The following OGDHL variants were observed in gnomAD, a reference collection of about 807,000 sequenced individuals.
The protein encoded by OGDHL is oxoglutarate dehydrogenase L.
In OGDHL, 79 loss-of-function variants were observed where a neutral mutation model predicts 109.6. The ratio of observed to expected loss-of-function variants is 0.72; its 90% confidence interval spans 0.60 to 0.87. The LOEUF is 0.87. Ranked by LOEUF, OGDHL falls within the 40% of genes least tolerant of loss-of-function variation. The pLI is 0.00. For synonymous variants in OGDHL, 528 were observed against 537.2 expected, an observed-to-expected ratio of 0.98 and a Z score of 0.24; for missense variants, 1,275 against 1,362.2, an observed-to-expected ratio of 0.94 and a Z score of 1.01.
At chr10:49,736,627 G>A in intron 20 of OGDHL, 107 bp from the exon 21 acceptor site, 1 of 1,262,374 alleles carries the variant, frequency 7.9e-7, no homozygotes, top group East Asian at 2.4e-5. Context: ...GACACTAACT[G>A]CAGGTTTGGA....
Position 49,750,883 on chromosome 10 carries a change from G to A in OGDHL, c.852C>T (p.Ser284=), listed in dbSNP as rs1842541650. ...TGACATTCTCAATCCCCATCTCGCTGGATTTGTCGATGATGGTCTTGAGGG... is the reference window on the plus strand; with the variant it reads ...TGACATTCTCAATCCCCATCTCGCTAGATTTGTCGATGATGGTCTTGAGGG... The part of the protein sequence containing the change: ...IPALKTIIDK[S]SEMGIENVIL... The change falls in exon 7 of 23, where the codon TCC becomes TCT. Residue 284 remains serine, a synonymous_variant. Coordinates refer to ENST00000374103, the MANE Select transcript of OGDHL (RefSeq NM_018245.3). The A allele has an allele frequency of 1.2e-6, 2 of 1,612,468 alleles. No homozygotes were observed. The highest frequency in any genetic ancestry group is 1.7e-6 in the Non-Finnish European group (2 of 1,179,326).
intron 20 of OGDHL, among the ~76,000 whole-genome samples, chr10:49,737,417 G>A (rs1334311399): frequency 6.6e-6 from 1 of 152,084 alleles, no homozygotes; most frequent in African/African-American, 2.4e-5. Context: ...ACTCCTGGAG[G>A]GGACACCAGG....
In OGDHL at chr10:49,744,122, C is replaced by T; in HGVS notation, c.1733G>A (p.Gly578Asp). The T allele has an allele frequency of 6.2e-7, 1 of 1,613,602 alleles. No individual in the cohort carries two copies. Among genetic ancestry groups the T allele is most frequent in the Non-Finnish European group, 8.5e-7 (1 of 1,179,796 alleles). ...IKHWLDSPWP[G>D]FFNVDGEPKS... ...GGGCTCCCCATCTACGTTGAAGAAG[C>T]CTGAGAGGGAGAGAGGCTCTGTCCA... Residue 578 changes from glycine to aspartate, a missense_variant and splice_region_variant, in exon 14 of 23, where the codon GGC becomes GAC. Physicochemically the swap from Gly to Asp is moderately conservative, Grantham distance 94 (BLOSUM62 -1). Transcript: ENST00000374103.
intron 11 of OGDHL, 28 bp from the exon 12 acceptor site, chr10:49,745,524 C>T (rs1331049944): frequency 6.2e-7 from 1 of 1,612,100 alleles, no homozygotes; most frequent in African/African-American, 1.3e-5. Flanking sequence ...GGGGCTCAGG[C>T]CCTTCCCTAC....
chr10:49,747,299 G>T (rs569400751), intron 8 of OGDHL, 91 bp from the exon 9 acceptor site: 15 of 1,409,526 alleles, frequency 1.1e-5, no homozygotes, highest in South Asian at 9.0e-5. Flanking sequence ...CAGTCAGGCT[G>T]GCACATTCCC....
chr10:49,753,888 T>TAAAAA (rs63200161), intron 3 of OGDHL, among the ~76,000 whole-genome samples: 9 of 87,246 alleles, frequency 1.0e-4, no homozygotes, highest in Non-Finnish European at 1.4e-4. Context: ...AAACTCCATC[T>TAAAAA]AAAAAAAAAA....
rs747323514 is a variant in OGDHL at position 49,749,847 on chromosome 10, G to T, written c.897-31C>A. On this transcript the variant is annotated intron_variant, in intron 7 of 22. Coordinates refer to ENST00000374103, the MANE Select transcript of OGDHL (RefSeq NM_018245.3). The stretch of plus-strand genomic sequence containing the variant: ...GCCAGAGGGGCCGGGCTCTCACCTG[G>T]CAAAGCCCGCAGGCCTCAGGGTTCC... 12 of 1,550,486 alleles carry T rather than the reference G, an allele frequency of 7.7e-6. No homozygotes were observed. In the Admixed American group the frequency reaches 2.2e-4, roughly 29 times the overall value.
chr10:49,742,191 C>T lies in OGDHL; in HGVS notation c.2012+637G>A, dbSNP rs1032582327. Among the ~76,000 whole-genome samples, 20 of 143,752 alleles carry T rather than the reference C, an allele frequency of 1.4e-4. 1 individual carries two copies. The highest frequency in any genetic ancestry group is 3.5e-4 in the Admixed American group (5 of 14,370). 94.3% of individuals were successfully genotyped at this position (143,752 alleles called of 152,430 possible). A position where few individuals can be genotyped will look rare whatever the true frequency, so the allele number is the denominator to read the frequency against. On this transcript the variant is annotated intron_variant, in intron 15 of 22. Coordinates refer to ENST00000374103, the MANE Select transcript of OGDHL (RefSeq NM_018245.3). ...ATACACGCCCCACACACACTATACA[C>T]ACCCCACACACATACGCACACCCCC...
intron 14 of OGDHL, chr10:49,743,747 C>T: frequency 2.6e-6 from 1 of 378,750 alleles, no homozygotes; most frequent in South Asian, 5.1e-5. Flanking sequence ...CCAAGGTCCC[C>T]AACCTAAGAC....
chr10:49,756,874 C>T lies in OGDHL; in HGVS notation c.277G>A (p.Val93Ile). ...ACTGCAGACCTGCTCTCATGGACAA[C>T]AGAAGGGGGCCGTGGCTGAGCAGAG... ...SGSAQPRPPS[V>I]VHESRSAVSS... Residue 93 changes from valine to isoleucine, a missense_variant, in exon 3 of 23, where the codon GTT becomes ATT. By Grantham distance (29) the Val-to-Ile change is conservative. Coordinates refer to ENST00000374103, the MANE Select transcript of OGDHL (RefSeq NM_018245.3). The T allele has an allele frequency of 6.2e-7, 1 of 1,614,072 alleles. No homozygotes were observed.
chr10:49,749,631 A>C, intron 8 of OGDHL, 95 bp downstream of exon 8: 2 of 1,075,588 alleles, frequency 1.9e-6, no homozygotes, highest in Non-Finnish European at 2.7e-6. Context: ...CTTAAGGTTT[A>C]TCTCAGCCCG....
intron 20 of OGDHL, 135 bp downstream of exon 20, chr10:49,737,651 G>T: frequency 1.1e-6 from 1 of 918,120 alleles, no homozygotes. Context: ...CTGCTAGTGG[G>T]ACCATGCCAG....
intron 17 of OGDHL, 171 bp from the exon 18 acceptor site, chr10:49,738,433 G>A (rs2132950699): frequency 1.5e-6 from 1 of 653,798 alleles, no homozygotes; most frequent in East Asian, 2.7e-5. Context: ...AGAGCAGAAT[G>A]GGAATCCTCA....
chr10:49,746,003 C>T (rs376416286), intron 10 of OGDHL, 26 bp from the exon 11 acceptor site: 296 of 1,609,552 alleles, frequency 1.8e-4, no homozygotes, highest in Non-Finnish European at 2.4e-4. Context: ...AAACCTGCTG[C>T]GCCTCTCAAT....
chr10:49,756,418 C>T (rs1254512991), intron 3 of OGDHL, among the ~76,000 whole-genome samples: 1 of 152,116 alleles, frequency 6.6e-6, no homozygotes, highest in Non-Finnish European at 1.5e-5. Flanking sequence ...TCCCAGGATG[C>T]CCATTCTAGA....
At position 49,744,021 on chromosome 10, in the gene OGDHL, G is replaced by C. The variant is rs749585568; in HGVS notation, c.1834C>G (p.Pro612Ala). 1 of 1,613,336 alleles carries C rather than the reference G, an allele frequency of 6.2e-7. No individual in the cohort carries two copies. Among genetic ancestry groups the C allele is most frequent in the South Asian group, 1.1e-5 (1 of 90,962 alleles). ...GTGTGGATCTTAAAGTCCTCCAGGG[G>C]CACAGAGCTGGCCACACTGCCGATG... ...THIGSVASSV[P>A]LEDFKIHTGL... Residue 612 changes from proline to alanine, a missense_variant, in exon 14 of 23, where the codon CCC becomes GCC. Physicochemically the swap from Pro to Ala is conservative, Grantham distance 27. Coordinates refer to ENST00000374103, the MANE Select transcript of OGDHL (RefSeq NM_018245.3).
At chr10:49,755,314 A>G (rs1293304178) in intron 3 of OGDHL, among the ~76,000 whole-genome samples, 3 of 152,240 alleles carry the variant, frequency 2.0e-5, no homozygotes, top group South Asian at 2.1e-4. Context: ...ATTAGGCATT[A>G]TTATGTTTAG....
chr10:49,736,106 A>C lies in OGDHL; in HGVS notation c.2826T>G (p.Cys942Trp), dbSNP rs1171366636. 7 of 1,612,442 alleles carry C rather than the reference A, an allele frequency of 4.3e-6. No homozygotes were observed. Among genetic ancestry groups the C allele is most frequent in the Non-Finnish European group, 5.1e-6 (6 of 1,179,128 alleles). Residue 942 changes from cysteine to tryptophan, a missense_variant, in exon 22 of 23, where the codon TGT (cysteine) becomes TGG (tryptophan). Coordinates refer to ENST00000374103, the MANE Select transcript of OGDHL (RefSeq NM_018245.3). ...EKYPGAELAW[C>W]QEEHKNMGYY... ...AGCCCATGTTCTTGTGCTCCTCCTG[A>C]CACCAGGCCAGCTCCGCACCTGGGT...
At chr10:49,749,323 G>T (rs2133052059) in intron 8 of OGDHL, among the ~76,000 whole-genome samples, 1 of 152,316 alleles carries the variant, frequency 6.6e-6, no homozygotes, top group East Asian at 1.9e-4. Context: ...GATGGGTACG[G>T]AAAACCATCC....
Sources: allele counts gnomAD v4.1 joint callset (sites outside exome capture counted in the v4.1 genomes callset), GRCh38; gene constraint gnomAD v4.1.1; transcripts MANE v1.5; gene names NCBI Gene and HGNC (gene_info 2026-07-23, HGNC 2026-07-21).